The following SPATS2L variants were observed in gnomAD, a reference collection of about 807,000 sequenced individuals.
SPATS2L encodes the protein SPATS2-like protein.
SPATS2L carries 30 observed loss-of-function variants against 59.6 expected under a neutral mutation model. That is an observed-to-expected ratio of 0.50 (90% CI 0.38 to 0.68). The LOEUF (loss-of-function observed/expected upper bound fraction) is 0.68, where lower values mean the gene tolerates loss of function less well. SPATS2L is among the 30% of genes least tolerant of loss of function. The probability of loss-of-function intolerance (pLI) is 0.00; values close to 1 mark genes in which losing one functional copy is unlikely to be tolerated. For synonymous variants in SPATS2L, 252 were observed against 263.5 expected, an observed-to-expected ratio of 0.96 and a Z score of 0.42; for missense variants, 615 against 700.0, an observed-to-expected ratio of 0.88 and a Z score of 1.37.
intron 6 of SPATS2L, among the ~76,000 whole-genome samples, chr2:200,434,964 A>C (rs2084181604): frequency 1.3e-5 from 2 of 152,160 alleles, no homozygotes; most frequent in African/African-American, 4.8e-5. Context: ...ACTGGCAGCT[A>C]GATCGGTGGA....
intron 6 of SPATS2L, among the ~76,000 whole-genome samples, chr2:200,424,293 C>T (rs2083433764): frequency 6.6e-6 from 1 of 151,426 alleles, no homozygotes; most frequent in Admixed American, 6.6e-5. Flanking sequence ...TTGAGACCAG[C>T]CTGGGCAACA....
intron 8 of SPATS2L, among the ~76,000 whole-genome samples, chr2:200,459,440 A>G (rs895625767): frequency 2.0e-5 from 3 of 152,204 alleles, no homozygotes; most frequent in Admixed American, 2.0e-4. Context: ...TACTTATTAT[A>G]TTGTTTTGGA....
intron 10 of SPATS2L, among the ~76,000 whole-genome samples, chr2:200,468,999 C>T (rs1266229575): frequency 6.6e-6 from 1 of 152,212 alleles, no homozygotes; most frequent in East Asian, 1.9e-4. Flanking sequence ...GCAAAATTTT[C>T]TACTTCTGTG....
chr2:200,451,735 C>T (rs771418421), intron 8 of SPATS2L, among the ~76,000 whole-genome samples: 8 of 152,088 alleles, frequency 5.3e-5, no homozygotes, highest in Non-Finnish European at 7.4e-5. Context: ...TGTACTATAT[C>T]AGTTTCTTCC....
At chr2:200,399,603 A>G (rs1376121965) in intron 3 of SPATS2L, among the ~76,000 whole-genome samples, 2 of 152,160 alleles carry the variant, frequency 1.3e-5, no homozygotes, top group African/African-American at 2.4e-5. Flanking sequence ...TCATAAAATC[A>G]TTGGGAAAAC....
intron 5 of SPATS2L, among the ~76,000 whole-genome samples, chr2:200,418,698 C>T (rs1316641337): frequency 2.6e-5 from 4 of 152,128 alleles, no homozygotes; most frequent in Non-Finnish European, 5.9e-5. Context: ...TCCTTGTTGA[C>T]TGGTTTCTAT....
chr2:200,477,771 AGAC>A lies in SPATS2L; in HGVS notation c.1418_1420del (p.Arg473_Gln474delinsLys), dbSNP rs1194336670. On this transcript the variant is annotated inframe_deletion, in exon 13 of 13. Transcript: ENST00000409140. ...GGGCAACAGCCGCCACGAACACAGA[AGAC>A]AGCCGCACAACGGCTTCCGGCCCAA... 6.3e-7 allele frequency: 1 copy of A among 1,581,366 alleles called. No individual in the cohort carries two copies. The highest frequency in any genetic ancestry group is 1.3e-5 in the African/African-American group (1 of 74,092).
intron 1 of SPATS2L, among the ~76,000 whole-genome samples, chr2:200,321,962 T>C (rs990899941): frequency 5.9e-5 from 9 of 152,222 alleles, no homozygotes; most frequent in African/African-American, 2.2e-4. Flanking sequence ...TTTCAAAGCT[T>C]ATGCTTTTTC....
At chr2:200,308,957 A>G in intron 1 of SPATS2L, 1 of 698,198 alleles carries the variant, frequency 1.4e-6, no homozygotes, top group Non-Finnish European at 2.7e-6. Context: ...GCCATTGTGG[A>G]GAGAGTTATC....
chr2:200,407,825 G>A (rs374792073), intron 3 of SPATS2L, among the ~76,000 whole-genome samples: 1 of 152,140 alleles, frequency 6.6e-6, no homozygotes, highest in African/African-American at 2.4e-5. Context: ...CAGAGTGCTG[G>A]GATGGTCCAC....
At chr2:200,360,117 A>C (rs1405775906) in intron 2 of SPATS2L, among the ~76,000 whole-genome samples, 2 of 152,260 alleles carry the variant, frequency 1.3e-5, no homozygotes, top group Non-Finnish European at 2.9e-5. Context: ...GTCCATGTGC[A>C]AGCACTACAA....
intron 2 of SPATS2L, among the ~76,000 whole-genome samples, chr2:200,350,444 C>G (rs538755619): frequency 1.3e-5 from 2 of 152,176 alleles, no homozygotes; most frequent in Non-Finnish European, 2.9e-5. Context: ...TAACCACCCC[C>G]ACCCCATGTT....
At chr2:200,339,869 A>T (rs182193779) in intron 2 of SPATS2L, among the ~76,000 whole-genome samples, 2 of 152,318 alleles carry the variant, frequency 1.3e-5, no homozygotes. Context: ...ATGACAGTCC[A>T]TAATTTTTTG....
chr2:200,325,844 A>G (rs2079718966), intron 1 of SPATS2L, among the ~76,000 whole-genome samples: 1 of 152,224 alleles, frequency 6.6e-6, no homozygotes, highest in Admixed American at 6.5e-5. Context: ...GCATCAGTTT[A>G]TAAACACCAA....
intron 2 of SPATS2L, among the ~76,000 whole-genome samples, chr2:200,341,155 G>A (rs2080312159): frequency 6.6e-6 from 1 of 152,174 alleles, no homozygotes. Context: ...GCCCTGTGAG[G>A]TGGGTAGTAT....
At chr2:200,395,513 C>T (rs564740958) in intron 3 of SPATS2L, among the ~76,000 whole-genome samples, 10 of 151,742 alleles carry the variant, frequency 6.6e-5, no homozygotes, top group African/African-American at 2.4e-4. Flanking sequence ...TAGTTGAGCA[C>T]CCTGAAATAA....
Position 200,389,206 on chromosome 2 carries a change from G to C in SPATS2L, c.-22-17G>C. On this transcript the variant is annotated splice_polypyrimidine_tract_variant and intron_variant, in intron 2 of 12. Transcript: ENST00000409140. ...GAAATCAATTTTAAAACTTAATCTT[G>C]TTTTCCTTCTTTATAGGGCCTATTC... The C allele has an allele frequency of 6.6e-7, 1 of 1,518,472 alleles. No individual in the cohort carries two copies. The highest frequency in any genetic ancestry group is 1.2e-5 in the South Asian group (1 of 81,898). The allele number at this position is 1,518,472 out of a possible 1,614,324, so 94.1% of individuals were successfully genotyped here. A position where few individuals can be genotyped will look rare whatever the true frequency, so the allele number is the denominator to read the frequency against.
intron 8 of SPATS2L, among the ~76,000 whole-genome samples, chr2:200,454,193 TCTGG>T (rs1261136245): frequency 6.6e-6 from 1 of 152,176 alleles, no homozygotes; most frequent in African/African-American, 2.4e-5. Flanking sequence ...AACATCTAAC[TCTGG>T]CTGTTGTTAC....
In SPATS2L at chr2:200,331,170, A is replaced by G. The variant is rs116685670; in HGVS notation, c.-23+1690A>G. Among the ~76,000 whole-genome samples the G allele has an allele frequency of 6.0e-3, 911 of 152,346 alleles. 12 individuals carry two copies. The highest frequency in any genetic ancestry group is 0.021 in the African/African-American group (853 of 41,590). ...AAGAGGTGTCCGAATTCAATTATGA[A>G]GAGGCCTGTCCCATGTGGACACATA... On this transcript the variant is annotated intron_variant, in intron 2 of 12. Transcript: ENST00000409140.
Sources: allele counts gnomAD v4.1 joint callset (sites outside exome capture counted in the v4.1 genomes callset), GRCh38; gene constraint gnomAD v4.1.1; transcripts MANE v1.5; gene names NCBI Gene and HGNC (gene_info 2026-07-23, HGNC 2026-07-21).